Variants in NRXN3 observed in about 807,000 individuals in gnomAD.
NRXN3 encodes neurexin III.
NRXN3 carries 32 observed loss-of-function variants against 137.6 expected under a neutral mutation model. The ratio of observed to expected loss-of-function variants is 0.23; its 90% confidence interval spans 0.18 to 0.31. The LOEUF is 0.31. Ranked by LOEUF, NRXN3 falls within the 10% of genes least tolerant of loss-of-function variation. The probability of loss-of-function intolerance (pLI) is 1.00; values close to 1 mark genes in which losing one functional copy is unlikely to be tolerated. For synonymous variants in NRXN3, 798 were observed against 784.5 expected, an observed-to-expected ratio of 1.02 and a Z score of -0.29; for missense variants, 1,574 against 2,062.5, an observed-to-expected ratio of 0.76 and a Z score of 4.59.
chr14:78,839,122 G>A (rs920043033), intron 10 of NRXN3, among the ~76,000 whole-genome samples: 1 of 152,164 alleles, frequency 6.6e-6, no homozygotes, highest in Admixed American at 6.5e-5. Context: ...GACTTCATAA[G>A]AGCCATAAGG....
At chr14:78,484,360 T>G (rs1023547989) in intron 4 of NRXN3, among the ~76,000 whole-genome samples, 1 of 152,174 alleles carries the variant, frequency 6.6e-6, no homozygotes, top group Non-Finnish European at 1.5e-5. Flanking sequence ...AGGCAGGACA[T>G]GCAGAGATGT....
intron 15 of NRXN3, among the ~76,000 whole-genome samples, chr14:79,379,853 G>C (rs1178195296): frequency 2.0e-5 from 3 of 150,254 alleles, no homozygotes; most frequent in Non-Finnish European, 4.4e-5. Context: ...AAAAGTACTA[G>C]TCTTTCATTT....
chr14:78,480,574 C>T (rs540034850), intron 4 of NRXN3, among the ~76,000 whole-genome samples: 107 of 152,224 alleles, frequency 7.0e-4, no homozygotes, highest in African/African-American at 2.5e-3. Context: ...ACCTGAGTTG[C>T]TAATAAACAA....
intron 15 of NRXN3, among the ~76,000 whole-genome samples, chr14:79,171,583 A>G (rs1002096677): frequency 6.6e-6 from 1 of 152,118 alleles, no homozygotes; most frequent in Non-Finnish European, 1.5e-5. Context: ...GAATGCAGGG[A>G]AAAAAATTCC....
At chr14:79,341,240 C>G (rs976683043) in intron 15 of NRXN3, among the ~76,000 whole-genome samples, 1 of 152,188 alleles carries the variant, frequency 6.6e-6, no homozygotes, top group Non-Finnish European at 1.5e-5. Flanking sequence ...TGGAGCTCTT[C>G]ACTGCTTAGT....
chr14:79,224,518 A>G (rs1367009361), intron 15 of NRXN3, among the ~76,000 whole-genome samples: 1 of 152,188 alleles, frequency 6.6e-6, no homozygotes, highest in Non-Finnish European at 1.5e-5. Flanking sequence ...AATGGTGGGT[A>G]GAGGGAATCA....
At chr14:79,374,988 G>A (rs1222089344) in intron 15 of NRXN3, among the ~76,000 whole-genome samples, 11 of 152,104 alleles carry the variant, frequency 7.2e-5, no homozygotes, top group Admixed American at 6.6e-4. Context: ...CATGTATCAA[G>A]TATTTATTAA....
At chr14:78,212,073 G>A (rs142916951) in intron 1 of NRXN3, among the ~76,000 whole-genome samples, 9 of 152,302 alleles carry the variant, frequency 5.9e-5, no homozygotes, top group African/African-American at 2.2e-4. Context: ...TCAGAGTGGT[G>A]TTCTGAGCAC....
chr14:79,716,630 A>G (rs1454313152), intron 19 of NRXN3, among the ~76,000 whole-genome samples: 1 of 152,026 alleles, frequency 6.6e-6, no homozygotes, highest in Non-Finnish European at 1.5e-5. Flanking sequence ...CTGCAGTCTA[A>G]TTAGCCCCTC....
intron 15 of NRXN3, among the ~76,000 whole-genome samples, chr14:79,345,447 G>A (rs1262278812): frequency 6.6e-6 from 1 of 151,974 alleles, no homozygotes; most frequent in Non-Finnish European, 1.5e-5. Flanking sequence ...CTGTCCTCGG[G>A]GTGTTTATGA....
At chr14:78,547,952 T>C (rs2096652003) in intron 4 of NRXN3, among the ~76,000 whole-genome samples, 1 of 152,098 alleles carries the variant, frequency 6.6e-6, no homozygotes, top group South Asian at 2.1e-4. Context: ...TCAGGTAAAA[T>C]TGAAATAAAA....
chr14:78,229,006 T>C (rs2065037851), intron 1 of NRXN3, among the ~76,000 whole-genome samples: 1 of 152,186 alleles, frequency 6.6e-6, no homozygotes, highest in Non-Finnish European at 1.5e-5. Context: ...AAAAATCTGT[T>C]CAAGAATTTT....
intron 15 of NRXN3, among the ~76,000 whole-genome samples, chr14:79,038,845 G>C (rs2099620523): frequency 6.6e-6 from 1 of 151,964 alleles, no homozygotes; most frequent in Admixed American, 6.6e-5. Context: ...TTCGTTCCCT[G>C]GTTCCATCTG....
In NRXN3 at chr14:78,180,712, A is replaced by T. The variant is rs2059734594; in HGVS notation, c.-704+10038A>T. On this transcript the variant is annotated intron_variant, in intron 1 of 20. Transcript: ENST00000335750. ...GAAATAAAGATGTGGAGGTCTCAGG[A>T]TGGACCCTCTGGCTAGATCCTGGGC... Among the ~76,000 whole-genome samples, 3 of 152,080 alleles carry T rather than the reference A, an allele frequency of 2.0e-5. No homozygotes were observed. The East Asian group carries it at 5.8e-4, about 29-fold the overall frequency.
intron 15 of NRXN3, among the ~76,000 whole-genome samples, chr14:79,154,009 G>T (rs779176369): frequency 2.0e-5 from 3 of 151,980 alleles, no homozygotes; most frequent in Non-Finnish European, 4.4e-5. Flanking sequence ...CCCAAAGAGC[G>T]AAGAGCATGG....
At position 78,965,941 on chromosome 14, in the gene NRXN3, G is replaced by A. The variant is rs556461589; in HGVS notation, c.2396-84G>A. 6.0e-5 allele frequency: 88 copies of A among 1,460,498 alleles called. No individual in the cohort carries two copies. The South Asian group carries it at 9.8e-4, about 16-fold the overall frequency. 90.5% of individuals were successfully genotyped at this position (1,460,498 alleles called of 1,614,324 possible). ...AAGCTGAATATTCTGTGTGGAAACA[G>A]GTTACACCCAAAAAATATACTTGAG... On this transcript the variant is annotated intron_variant, in intron 11 of 20. Transcript: ENST00000335750.
intron 19 of NRXN3, among the ~76,000 whole-genome samples, chr14:79,707,448 C>T (rs2098785023): frequency 1.3e-5 from 2 of 152,080 alleles, no homozygotes; most frequent in African/African-American, 2.4e-5. Context: ...TCTAGGCAGA[C>T]CTTCATTTCT....
intron 9 of NRXN3, among the ~76,000 whole-genome samples, chr14:78,808,828 A>T (rs1464790382): frequency 6.6e-6 from 1 of 152,090 alleles, no homozygotes; most frequent in Non-Finnish European, 1.5e-5. Context: ...CTCCTTTAAA[A>T]TGATTCACTT....
intron 1 of NRXN3, among the ~76,000 whole-genome samples, chr14:78,177,004 C>G (rs891713302): frequency 2.0e-5 from 3 of 152,084 alleles, no homozygotes; most frequent in African/African-American, 7.2e-5. Context: ...GGAGGAGAAA[C>G]TGGAATGGAG....
Sources: gnomAD v4.1 joint callset for allele counts (sites outside exome capture counted in the v4.1 genomes callset) on GRCh38, gnomAD v4.1.1 for gene constraint, MANE v1.5 for transcripts, NCBI Gene and HGNC (gene_info 2026-07-23, HGNC 2026-07-21) for gene names.